PDE7B: variants seen among roughly 807,000 people sequenced by gnomAD.
PDE7B encodes the protein phosphodiesterase 7B, also known as 3',5'-cyclic-AMP phosphodiesterase 7B.
A neutral mutation model predicts 56.2 loss-of-function variants in PDE7B; 29 were observed. The observed-to-expected ratio is 0.52, with a 90% CI of 0.38 to 0.70. PDE7B has a LOEUF of 0.70. PDE7B is among the 30% of genes least tolerant of loss of function. The pLI is 0.00. For missense variants in PDE7B, 490 were observed against 565.0 expected (o/e 0.87, Z 1.35); for synonymous variants, 197 against 196.9 (o/e 1.00, Z 0.00).
At chr6:136,035,575 C>G (rs1776961803) in intron 2 of PDE7B, among the ~76,000 whole-genome samples, 1 of 152,142 alleles carries the variant, frequency 6.6e-6, no homozygotes, top group Non-Finnish European at 1.5e-5. Flanking sequence ...TGAAAATAAT[C>G]CCATATTGGG....
Position 136,195,559 on chromosome 6 carries a change from T to A in PDE7B, c.*3719T>A, listed in dbSNP as rs187939101. On this transcript the variant is annotated 3_prime_UTR_variant, in exon 13 of 13. Coordinates refer to ENST00000308191, the MANE Select transcript of PDE7B (RefSeq NM_018945.4). ...GATGAACAAATAAAAATAAAGATAA[T>A]TTCTTTAAAATATCACAAGATGAAA... 9 of 151,098 alleles carry A rather than the reference T, an allele frequency of 6.0e-5. No individual in the cohort carries two copies. The East Asian group carries it at 1.7e-3, about 29-fold the overall frequency. 9.4% of individuals were successfully genotyped at this position (151,098 alleles called of 1,614,324 possible).
intron 2 of PDE7B, among the ~76,000 whole-genome samples, chr6:135,968,975 T>C (rs888524170): frequency 1.3e-5 from 2 of 152,186 alleles, no homozygotes; most frequent in Non-Finnish European, 2.9e-5. Context: ...AATGAGATCA[T>C]GTCCTTTGCA....
At chr6:135,982,537 A>G (rs1020979294) in intron 2 of PDE7B, among the ~76,000 whole-genome samples, 1 of 152,136 alleles carries the variant, frequency 6.6e-6, no homozygotes, top group African/African-American at 2.4e-5. Context: ...TATGTATTAC[A>G]TCATGACCCA....
In PDE7B at chr6:135,993,904, G is replaced by A. The variant is rs149181886; in HGVS notation, c.82+46380G>A. The stretch of plus-strand genomic sequence containing the variant: ...GTGGACCAGCCCTTATAAAAACTCG[G>A]GTCTATCCAAAGAGACATAGGAGGA... On this transcript the variant is annotated intron_variant, in intron 2 of 12. Coordinates refer to ENST00000308191, the MANE Select transcript of PDE7B (RefSeq NM_018945.4). Among the ~76,000 whole-genome samples, 217 of 152,154 alleles carry A rather than the reference G, an allele frequency of 1.4e-3. 1 individual carries two copies. Among genetic ancestry groups the A allele is most frequent in the African/African-American group, 5.1e-3 (211 of 41,506 alleles).
intron 2 of PDE7B, among the ~76,000 whole-genome samples, chr6:135,964,713 G>T (rs955897187): frequency 3.9e-5 from 6 of 152,078 alleles, no homozygotes; most frequent in Non-Finnish European, 7.4e-5. Flanking sequence ...AACCAAATAG[G>T]TGCACTCTTC....
intron 1 of PDE7B, among the ~76,000 whole-genome samples, chr6:135,893,766 ACT>A (rs1247552429): frequency 6.6e-6 from 1 of 152,038 alleles, no homozygotes; most frequent in Non-Finnish European, 1.5e-5. Flanking sequence ...CTAATTGTAG[ACT>A]CTCTGAATTG....
chr6:135,932,215 A>G (rs1774306738), intron 1 of PDE7B, among the ~76,000 whole-genome samples: 1 of 152,200 alleles, frequency 6.6e-6, no homozygotes, highest in South Asian at 2.1e-4. Context: ...AAAAATAGAA[A>G]GAATGAATCA....
At chr6:136,151,731 C>T (rs1453904575) in intron 6 of PDE7B, among the ~76,000 whole-genome samples, 1 of 152,054 alleles carries the variant, frequency 6.6e-6, no homozygotes, top group Non-Finnish European at 1.5e-5. Flanking sequence ...GTCAGGAGTT[C>T]GAGACCAGCC....
intron 11 of PDE7B, among the ~76,000 whole-genome samples, 154 bp downstream of exon 11, chr6:136,181,477 C>A (rs188028789): frequency 1.6e-4 from 25 of 152,266 alleles, no homozygotes; most frequent in Non-Finnish European, 2.8e-4. Flanking sequence ...TGGAACTCAT[C>A]CAACCCTTTT....
chr6:136,070,649 A>T (rs529078081), intron 2 of PDE7B, among the ~76,000 whole-genome samples: 17 of 152,220 alleles, frequency 1.1e-4, no homozygotes, highest in African/African-American at 3.9e-4. Flanking sequence ...AACATTGAAA[A>T]TTTTTTAATA....
intron 2 of PDE7B, among the ~76,000 whole-genome samples, chr6:136,006,006 C>T (rs1219999957): frequency 6.6e-6 from 1 of 151,624 alleles, no homozygotes; most frequent in Non-Finnish European, 1.5e-5. Context: ...ACATATACAC[C>T]ATGGAATACT....
At chr6:136,017,448 C>T (rs574991416) in intron 2 of PDE7B, among the ~76,000 whole-genome samples, 3 of 151,654 alleles carry the variant, frequency 2.0e-5, no homozygotes, top group East Asian at 3.9e-4. Context: ...TCCATTAACT[C>T]GTCATTTACA....
chr6:135,886,829 C>A (rs1282557557), intron 1 of PDE7B, among the ~76,000 whole-genome samples: 1 of 152,238 alleles, frequency 6.6e-6, no homozygotes, highest in Non-Finnish European at 1.5e-5. Context: ...TGTAAACATG[C>A]TCGTGCATGT....
intron 7 of PDE7B, among the ~76,000 whole-genome samples, chr6:136,155,217 C>G (rs1411380752): frequency 6.6e-6 from 1 of 152,180 alleles, no homozygotes. Context: ...TTGAAATACA[C>G]AAATGATTTT....
In PDE7B at chr6:135,872,293, G is replaced by A. The variant is rs574508266; in HGVS notation, c.21+20274G>A. Among the ~76,000 whole-genome samples the A allele has an allele frequency of 2.0e-5, 3 of 152,166 alleles. No individual in the cohort carries two copies. The East Asian group carries it at 5.8e-4, about 29-fold the overall frequency. On this transcript the variant is annotated intron_variant, in intron 1 of 12. Transcript: ENST00000308191. ...CAGCATCATTCAGTGTACTAAGCAG[G>A]GAGAATTCCTGTTTAAGATTTTCAT...
intron 10 of PDE7B, 68 bp downstream of exon 10, chr6:136,179,209 C>T: frequency 6.9e-7 from 1 of 1,449,710 alleles, no homozygotes; most frequent in Admixed American, 1.7e-5. Context: ...GGTGTGGTGG[C>T]TCACATCTGT....
At chr6:136,058,040 C>T (rs949261719) in intron 2 of PDE7B, among the ~76,000 whole-genome samples, 2 of 152,132 alleles carry the variant, frequency 1.3e-5, no homozygotes, top group South Asian at 2.1e-4. Flanking sequence ...CCCGCCTCTG[C>T]TCACAATTTA....
chr6:136,116,179 T>C (rs1562496991), intron 3 of PDE7B, among the ~76,000 whole-genome samples: 1 of 152,164 alleles, frequency 6.6e-6, no homozygotes, highest in Non-Finnish European at 1.5e-5. Context: ...TGCTAAACAC[T>C]GAAAGATAAG....
At chr6:136,014,323 C>A (rs1449686399) in intron 2 of PDE7B, among the ~76,000 whole-genome samples, 2 of 152,228 alleles carry the variant, frequency 1.3e-5, no homozygotes, top group South Asian at 2.1e-4. Flanking sequence ...CTAAGTTTTT[C>A]TATGAAGATA....
Sources: gnomAD v4.1 joint callset for allele counts (sites outside exome capture counted in the v4.1 genomes callset) on GRCh38, gnomAD v4.1.1 for gene constraint, MANE v1.5 for transcripts, NCBI Gene and HGNC (gene_info 2026-07-23, HGNC 2026-07-21) for gene names.